Variants in MDGA2 observed in about 807,000 individuals in gnomAD.
The protein encoded by MDGA2 is MAM domain containing glycosylphosphatidylinositol anchor 2.
Under a neutral mutation model 117.8 loss-of-function variants are expected in MDGA2, and 40 were observed. The observed-to-expected ratio is 0.34, with a 90% CI of 0.26 to 0.44. The LOEUF (loss-of-function observed/expected upper bound fraction) is 0.44, where lower values mean the gene tolerates loss of function less well. Ranked by LOEUF, MDGA2 falls within the 20% of genes least tolerant of loss-of-function variation. The pLI, the probability that MDGA2 is intolerant of heterozygous loss-of-function variation, is 1.00. For missense variants in MDGA2, 1,123 were observed against 1,250.6 expected, an observed-to-expected ratio of 0.90 and a Z score of 1.54; for synonymous variants, 452 against 439.0, an observed-to-expected ratio of 1.03 and a Z score of -0.37.
intron 1 of MDGA2, among the ~76,000 whole-genome samples, chr14:47,414,267 T>C (rs1274767920): frequency 6.6e-6 from 1 of 152,204 alleles, no homozygotes; most frequent in Non-Finnish European, 1.5e-5. Context: ...AGCACCTTGT[T>C]ATAACCCAAG....
intron 1 of MDGA2, among the ~76,000 whole-genome samples, chr14:47,586,275 C>T (rs758122434): frequency 6.6e-6 from 1 of 151,856 alleles, no homozygotes; most frequent in Non-Finnish European, 1.5e-5. Context: ...AATGTCTTCA[C>T]ACTCTACCTG....
intron 5 of MDGA2, among the ~76,000 whole-genome samples, chr14:47,121,074 CAG>C (rs1227549823): frequency 2.0e-5 from 3 of 152,076 alleles, no homozygotes; most frequent in Admixed American, 1.3e-4. Context: ...ATCAGAATAT[CAG>C]GGGGGAAAAA....
chr14:47,631,726 T>C (rs1192959910), intron 1 of MDGA2, among the ~76,000 whole-genome samples: 2 of 152,162 alleles, frequency 1.3e-5, no homozygotes, highest in African/African-American at 4.8e-5. Context: ...CCAGGCTTTT[T>C]CTCCTATGAT....
rs539196670 is a variant in MDGA2, at chr14:47,190,241, C to T, written c.595+27780G>A. ...GTTGGAACCTAATTACCCTTTGCAA[C>T]GCTGCTGTGGTAAAATAGCATGAAT... is the stretch of plus-strand genomic sequence containing the variant. On this transcript the variant is annotated intron_variant, in intron 3 of 16. Coordinates refer to ENST00000399232, the MANE Select transcript of MDGA2 (RefSeq NM_001113498.3). Among the ~76,000 whole-genome samples, 27 of 152,304 alleles carry T rather than the reference C, an allele frequency of 1.8e-4. No homozygotes were observed. In the East Asian group the frequency reaches 2.3e-3, roughly 13 times the overall value.
Position 46,916,677 on chromosome 14 carries a change from T to C in MDGA2, c.2238+3335A>G, listed in dbSNP as rs539328083. 4.5e-3 allele frequency among the ~76,000 whole-genome samples: 682 copies of C among 152,214 alleles called. 6 individuals are homozygous for C. The highest frequency in any genetic ancestry group is 0.015 in the African/African-American group (629 of 41,524). ...AAAGAGGCGTGTGTCTACGTGCTCCTTCTCTTCTTACACCCCATCTACAAA... is the reference window on the plus strand; with the variant it reads ...AAAGAGGCGTGTGTCTACGTGCTCCCTCTCTTCTTACACCCCATCTACAAA... On this transcript the variant is annotated intron_variant, in intron 10 of 16. Transcript: ENST00000399232.
chr14:47,048,342 T>G (rs780627582), intron 7 of MDGA2, among the ~76,000 whole-genome samples: 2 of 152,058 alleles, frequency 1.3e-5, no homozygotes, highest in East Asian at 3.9e-4. Flanking sequence ...TATAAAAGCA[T>G]TGAAAAAGAA....
At chr14:47,554,749 C>G (rs1895652244) in intron 1 of MDGA2, among the ~76,000 whole-genome samples, 1 of 152,146 alleles carries the variant, frequency 6.6e-6, no homozygotes, top group African/African-American at 2.4e-5. Flanking sequence ...CATTCAAATA[C>G]AGAGTCTTAG....
At chr14:47,039,062 C>A (rs976699715) in intron 7 of MDGA2, among the ~76,000 whole-genome samples, 2 of 152,068 alleles carry the variant, frequency 1.3e-5, no homozygotes, top group Non-Finnish European at 2.9e-5. Flanking sequence ...GTTTTTCTAT[C>A]TTTCTGTCCC....
intron 3 of MDGA2, among the ~76,000 whole-genome samples, chr14:47,174,133 C>T (rs1884320271): frequency 1.3e-5 from 2 of 152,230 alleles, no homozygotes; most frequent in Middle Eastern, 3.4e-3. Context: ...TACAGGAGCA[C>T]CCAGATTCAT....
chr14:47,221,439 G>A (rs200108622), intron 2 of MDGA2, among the ~76,000 whole-genome samples: 8 of 152,054 alleles, frequency 5.3e-5, no homozygotes, highest in South Asian at 2.1e-4. Context: ...CTGTAATCCC[G>A]GCACTTTGGG....
chr14:46,873,972 T>C (rs1303408382), intron 13 of MDGA2, 73 bp downstream of exon 13: 20 of 1,176,872 alleles, frequency 1.7e-5, no homozygotes, highest in Admixed American at 8.3e-5. Context: ...TGGCTAAATA[T>C]TAGTATTTCA....
rs11342451 is a variant in MDGA2 at position 47,018,145 on chromosome 14, C to CT, written c.1819+16865dup. Among the ~76,000 whole-genome samples the CT allele has an allele frequency of 1.2e-4, 18 of 151,034 alleles. No individual in the cohort carries two copies. In the South Asian group the frequency reaches 2.9e-3, roughly 24 times the overall value. ...TAATTTTTTTTTCTGGGGTAATTGA[C>CT]TTTTTTTTTCCCCCCGTTCTTTTTT... On this transcript the variant is annotated intron_variant, in intron 8 of 16. Transcript: ENST00000399232.
At chr14:47,014,091 G>A (rs142449681) in intron 8 of MDGA2, among the ~76,000 whole-genome samples, 9 of 151,874 alleles carry the variant, frequency 5.9e-5, no homozygotes, top group African/African-American at 1.7e-4. Context: ...CACTGCCCCC[G>A]GCCCTCCTTG....
intron 3 of MDGA2, among the ~76,000 whole-genome samples, chr14:47,200,364 T>G (rs186393378): frequency 3.4e-3 from 521 of 152,160 alleles, no homozygotes; most frequent in Admixed American, 5.9e-3. Context: ...ACGAAACAAT[T>G]TAAAAGAATA....
At chr14:46,929,908 T>A (rs1884501177) in intron 9 of MDGA2, among the ~76,000 whole-genome samples, 1 of 151,034 alleles carries the variant, frequency 6.6e-6, no homozygotes, top group African/African-American at 2.4e-5. Flanking sequence ...AAGTGTGGGA[T>A]TACAAGCATG....
intron 14 of MDGA2, among the ~76,000 whole-genome samples, chr14:46,864,554 T>TG (rs796422231): frequency 0.012 from 465 of 38,212 alleles, 15 homozygotes; most frequent in African/African-American, 0.071. Context: ...TGTTTTTTTT[T>TG]TTTTTTTTTT....
intron 1 of MDGA2, among the ~76,000 whole-genome samples, chr14:47,384,444 G>A (rs1002029486): frequency 5.3e-5 from 8 of 151,828 alleles, no homozygotes; most frequent in Non-Finnish European, 1.2e-4. Flanking sequence ...AGTTTTCCAG[G>A]ATCATTCCTC....
At chr14:46,866,166 A>G (rs1297389353) in intron 14 of MDGA2, among the ~76,000 whole-genome samples, 1 of 152,110 alleles carries the variant, frequency 6.6e-6, no homozygotes, top group Non-Finnish European at 1.5e-5. Flanking sequence ...AGTAACCAAA[A>G]CAGCATGGTA....
intron 5 of MDGA2, among the ~76,000 whole-genome samples, chr14:47,102,609 G>A (rs1289105721): frequency 6.6e-6 from 1 of 152,066 alleles, no homozygotes; most frequent in Non-Finnish European, 1.5e-5. Flanking sequence ...TGATGAGCAG[G>A]TTATCACTGT....
Sources: allele counts gnomAD v4.1 joint callset (sites outside exome capture counted in the v4.1 genomes callset), GRCh38; gene constraint gnomAD v4.1.1; transcripts MANE v1.5; gene names NCBI Gene and HGNC (gene_info 2026-07-23, HGNC 2026-07-21).